ADGRL3: variants seen among roughly 807,000 people sequenced by gnomAD.
ADGRL3 encodes adhesion G protein-coupled receptor L3, also known as calcium-independent alpha-latrotoxin receptor 3.
ADGRL3 carries 62 observed loss-of-function variants against 153.5 expected under a neutral mutation model. The ratio of observed to expected loss-of-function variants is 0.40; its 90% CI spans 0.33 to 0.50. The LOEUF is 0.50. Ranked by LOEUF, ADGRL3 falls within the 20% of genes least tolerant of loss-of-function variation. The pLI, the probability that ADGRL3 is intolerant of heterozygous loss-of-function variation, is 0.47. For missense variants in ADGRL3, 1,641 were observed against 1,859.4 expected, an observed-to-expected ratio of 0.88 and a Z score of 2.16; for synonymous variants, 710 against 672.5, an observed-to-expected ratio of 1.06 and a Z score of -0.86.
At chr4:61,759,078 G>A (rs6839693) in intron 8 of ADGRL3, among the ~76,000 whole-genome samples, 13,221 of 152,046 alleles carry the variant, frequency 0.087, 1,222 homozygotes, top group African/African-American at 0.23. Flanking sequence ...TCCCTTTGTG[G>A]GTAACCCTGC....
intron 9 of ADGRL3, among the ~76,000 whole-genome samples, chr4:61,847,611 TTATATATATAATATAA>T (rs2098133362): frequency 3.6e-5 from 2 of 55,138 alleles, no homozygotes; most frequent in African/African-American, 9.6e-5. Flanking sequence ...ATATAATATA[TTATATATATAATATAA>T]AATATATTAT....
At chr4:61,625,472 A>G (rs960906204) in intron 5 of ADGRL3, among the ~76,000 whole-genome samples, 2 of 152,104 alleles carry the variant, frequency 1.3e-5, no homozygotes, top group African/African-American at 4.8e-5. Flanking sequence ...ATTCATACCA[A>G]CATGAATTGG....
intron 9 of ADGRL3, among the ~76,000 whole-genome samples, chr4:61,828,664 ACTGT>A: frequency 6.6e-6 from 1 of 152,264 alleles, no homozygotes; most frequent in East Asian, 1.9e-4. Flanking sequence ...TGCTCTAGAG[ACTGT>A]CTTAATGGAG....
chr4:61,469,615 G>A (rs2097921465), intron 2 of ADGRL3, among the ~76,000 whole-genome samples: 1 of 151,892 alleles, frequency 6.6e-6, no homozygotes, highest in South Asian at 2.1e-4. Context: ...TATCCTAACA[G>A]CATTTTATTC....
chr4:61,872,102 T>C (rs955925375), intron 9 of ADGRL3, among the ~76,000 whole-genome samples: 1 of 152,210 alleles, frequency 6.6e-6, no homozygotes, highest in Admixed American at 6.5e-5. Context: ...ACACAGTGTA[T>C]GTTTAGCGAA....
At chr4:61,553,165 A>C (rs2098748178) in intron 4 of ADGRL3, among the ~76,000 whole-genome samples, 3 of 152,176 alleles carry the variant, frequency 2.0e-5, no homozygotes, top group Admixed American at 1.3e-4. Context: ...GCCTGGACAG[A>C]TCTCTCTTAA....
intron 2 of ADGRL3, among the ~76,000 whole-genome samples, chr4:61,410,357 C>A (rs1403453642): frequency 6.6e-6 from 1 of 151,976 alleles, no homozygotes; most frequent in East Asian, 1.9e-4. Context: ...TTTTCCCTTT[C>A]CTTTTCTTTT....
At chr4:61,364,434 A>G (rs1365917893) in intron 1 of ADGRL3, among the ~76,000 whole-genome samples, 1 of 151,910 alleles carries the variant, frequency 6.6e-6, no homozygotes. Context: ...GTATCACTGT[A>G]TTGAGGATTT....
At chr4:61,403,330 G>A (rs1460526998) in intron 2 of ADGRL3, among the ~76,000 whole-genome samples, 1 of 152,034 alleles carries the variant, frequency 6.6e-6, no homozygotes, top group African/African-American at 2.4e-5. Flanking sequence ...TAGAAGGTGG[G>A]AACTGAACGT....
At chr4:61,971,125 A>T (rs1470683339) in intron 17 of ADGRL3, among the ~76,000 whole-genome samples, 1 of 151,748 alleles carries the variant, frequency 6.6e-6, no homozygotes, top group East Asian at 1.9e-4. Context: ...AGGCAATTTA[A>T]TTTTTTAAAT....
chr4:61,439,301 C>T (rs1054566798), intron 2 of ADGRL3, among the ~76,000 whole-genome samples: 1 of 152,056 alleles, frequency 6.6e-6, no homozygotes, highest in Non-Finnish European at 1.5e-5. Flanking sequence ...AAAATGGGGG[C>T]TTGAAAGACA....
intron 9 of ADGRL3, among the ~76,000 whole-genome samples, chr4:61,837,700 A>G (rs1313866381): frequency 6.6e-6 from 1 of 152,082 alleles, no homozygotes; most frequent in Non-Finnish European, 1.5e-5. Context: ...GTCTGCATCT[A>G]TAGATTCTCA....
At chr4:61,991,279 G>A (rs926452898) in intron 19 of ADGRL3, among the ~76,000 whole-genome samples, 1 of 151,806 alleles carries the variant, frequency 6.6e-6, no homozygotes, top group Non-Finnish European at 1.5e-5. Flanking sequence ...AGGTTCAGGG[G>A]TACGTGTGAA....
At chr4:61,673,047 T>G (rs142954035) in intron 5 of ADGRL3, among the ~76,000 whole-genome samples, 28 of 152,080 alleles carry the variant, frequency 1.8e-4, no homozygotes, top group Admixed American at 4.6e-4. Context: ...TGTATGAACC[T>G]GGAGGACATT....
At chr4:61,997,255 A>G (rs2099124924) in intron 20 of ADGRL3, among the ~76,000 whole-genome samples, 1 of 152,034 alleles carries the variant, frequency 6.6e-6, no homozygotes, top group Non-Finnish European at 1.5e-5. Flanking sequence ...AGAAAAAAAA[A>G]AAAAAAGGAA....
intron 25 of ADGRL3, among the ~76,000 whole-genome samples, chr4:62,053,791 A>G (rs951123904): frequency 6.6e-6 from 1 of 151,568 alleles, no homozygotes; most frequent in Non-Finnish European, 1.5e-5. Context: ...CCAATTTAAA[A>G]GATCAAATTT....
intron 19 of ADGRL3, among the ~76,000 whole-genome samples, chr4:61,995,666 A>G (rs2099119239): frequency 6.6e-6 from 1 of 152,186 alleles, no homozygotes; most frequent in Non-Finnish European, 1.5e-5. Context: ...GGAGTATTAA[A>G]TGTAGCTGAA....
At chr4:61,206,582 A>G (rs909283544) in intron 1 of ADGRL3, among the ~76,000 whole-genome samples, 1 of 152,216 alleles carries the variant, frequency 6.6e-6, no homozygotes, top group Non-Finnish European at 1.5e-5. Context: ...TGATGGCATC[A>G]TTGCTCTGAT....
At chr4:61,732,583 G>C (rs1274020392) in intron 7 of ADGRL3, among the ~76,000 whole-genome samples, 171 bp from the exon 8 acceptor site, 1 of 152,078 alleles carries the variant, frequency 6.6e-6, no homozygotes, top group Non-Finnish European at 1.5e-5. Context: ...ATTTTGAAAT[G>C]AAGCCAAAAT....
Sources: allele counts gnomAD v4.1 joint callset (sites outside exome capture counted in the v4.1 genomes callset), GRCh38; gene constraint gnomAD v4.1.1; transcripts MANE v1.5; gene names NCBI Gene and HGNC (gene_info 2026-07-23, HGNC 2026-07-21).